The following CTNNA2 variants were observed in gnomAD, a reference collection of about 807,000 sequenced individuals.
The protein encoded by CTNNA2 is catenin alpha-2.
In CTNNA2, 42 loss-of-function variants were observed where a neutral mutation model predicts 101.0. The observed-to-expected ratio is 0.42, with a 90% CI of 0.32 to 0.54. The LOEUF (loss-of-function observed/expected upper bound fraction) is 0.54. Ranked by LOEUF, CTNNA2 falls within the 20% of genes least tolerant of loss-of-function variation. CTNNA2 has a pLI of 0.14. For missense variants in CTNNA2, 871 were observed against 1,223.1 expected (o/e 0.71, Z 4.29); for synonymous variants, 450 against 456.4 (o/e 0.99, Z 0.18).
At chr2:80,479,218 T>C (rs887630631) in intron 9 of CTNNA2, among the ~76,000 whole-genome samples, 6 of 152,156 alleles carry the variant, frequency 3.9e-5, no homozygotes, top group Non-Finnish European at 8.8e-5. Context: ...TAGAGTATCT[T>C]GGAACAGTTG....
chr2:80,562,565 A>G (rs1315276469), intron 12 of CTNNA2, among the ~76,000 whole-genome samples: 4 of 152,230 alleles, frequency 2.6e-5, no homozygotes, highest in African/African-American at 9.6e-5. Context: ...AACATATTTA[A>G]CATTTGGAAA....
chr2:80,359,495 A>AC (rs939871654), intron 7 of CTNNA2, among the ~76,000 whole-genome samples: 1 of 151,612 alleles, frequency 6.6e-6, no homozygotes, highest in Non-Finnish European at 1.5e-5. Flanking sequence ...TGGGTTTAGC[A>AC]CCCCCCCTTT....
At chr2:80,094,492 C>G (rs1700014817) in intron 7 of CTNNA2, among the ~76,000 whole-genome samples, 1 of 152,114 alleles carries the variant, frequency 6.6e-6, no homozygotes, top group Non-Finnish European at 1.5e-5. Context: ...AATGCGGGCT[C>G]TTTTTTGGTT....
At position 79,323,688 on chromosome 2, in the gene CTNNA2, G is replaced by C. The variant is rs142416942; in HGVS notation, c.-318+10892G>C. The stretch of plus-strand genomic sequence containing the variant: ...ATCTGTTGGTTCTTCCCTTTTTAGT[G>C]ATTGGTGCAGGATTAGGGATGTAAT... On this transcript the variant is annotated intron_variant, in intron 3 of 21. Coordinates refer to the CTNNA2 transcript ENST00000466387. Among the ~76,000 whole-genome samples the C allele has an allele frequency of 3.3e-5, 5 of 152,292 alleles. No individual in the cohort carries two copies. In the East Asian group the frequency reaches 9.7e-4, roughly 29 times the overall value.
At chr2:79,681,381 T>G (rs17017537) in intron 2 of CTNNA2, among the ~76,000 whole-genome samples, 14,770 of 152,216 alleles carry the variant, frequency 0.097, 814 homozygotes, top group African/African-American at 0.13. Context: ...AGTAGACAGC[T>G]TTTGGCCTCA....
chr2:80,106,417 A>AC (rs1700893221), intron 7 of CTNNA2, among the ~76,000 whole-genome samples: 1 of 152,118 alleles, frequency 6.6e-6, no homozygotes, highest in African/African-American at 2.4e-5. Context: ...AAACCCAGCA[A>AC]CCCTGGGTTA....
intron 1 of CTNNA2, among the ~76,000 whole-genome samples, chr2:79,581,837 T>G (rs2103907253): frequency 6.6e-6 from 1 of 152,374 alleles, no homozygotes; most frequent in South Asian, 2.1e-4. Flanking sequence ...TTCTAAATGT[T>G]ATGCTAACTT....
chr2:80,271,417 C>T (rs938803476), intron 7 of CTNNA2, among the ~76,000 whole-genome samples: 1 of 147,422 alleles, frequency 6.8e-6, no homozygotes, highest in Non-Finnish European at 1.5e-5. Context: ...TCTTTATCCT[C>T]AGTCTTTTTT....
chr2:79,669,790 A>G (rs1447653745), intron 2 of CTNNA2, among the ~76,000 whole-genome samples: 1 of 152,134 alleles, frequency 6.6e-6, no homozygotes, highest in Non-Finnish European at 1.5e-5. Flanking sequence ...TCCTCTGGCC[A>G]TGCTCTGCCC....
chr2:79,221,029 A>G (rs769067564), intron 2 of CTNNA2, among the ~76,000 whole-genome samples: 2 of 152,262 alleles, frequency 1.3e-5, no homozygotes, highest in Non-Finnish European at 2.9e-5. Context: ...AGTGACTTCT[A>G]GTGCAAAAAC....
chr2:79,657,054 T>TA (rs35199168), intron 2 of CTNNA2, among the ~76,000 whole-genome samples: 72,574 of 150,798 alleles, frequency 0.48, 18,304 homozygotes, highest in East Asian at 0.95. Context: ...CTTAAGGAAT[T>TA]AAAAAAAATC....
At position 79,307,484 on chromosome 2, in the gene CTNNA2, T is replaced by C. The variant is rs183733858; in HGVS notation, c.-405-5225T>C. On this transcript the variant is annotated intron_variant, in intron 2 of 21. Transcript: ENST00000466387. The stretch of plus-strand genomic sequence containing the variant: ...AGTGAGAACATGTGGTGTTTAACTT[T>C]CTGTTCCTTGCTTATTTCACATAAC... Among the ~76,000 whole-genome samples the C allele has an allele frequency of 9.7e-4, 148 of 152,348 alleles. 1 individual carries two copies. Among genetic ancestry groups the C allele is most frequent in the East Asian group, 1.9e-3 (10 of 5,188 alleles).
intron 7 of CTNNA2, among the ~76,000 whole-genome samples, chr2:79,993,095 A>G (rs1030337450): frequency 6.6e-6 from 1 of 152,208 alleles, no homozygotes; most frequent in Non-Finnish European, 1.5e-5. Flanking sequence ...CAGGAAAAAA[A>G]CGACTCAAAC....
intron 2 of CTNNA2, among the ~76,000 whole-genome samples, chr2:79,730,337 A>G (rs1231401378): frequency 6.6e-6 from 1 of 152,120 alleles, no homozygotes; most frequent in Non-Finnish European, 1.5e-5. Context: ...ATTATTAATC[A>G]TGGTTTATTT....
intron 7 of CTNNA2, among the ~76,000 whole-genome samples, chr2:80,101,707 G>A (rs2148843083): frequency 6.6e-6 from 1 of 152,306 alleles, no homozygotes; most frequent in Non-Finnish European, 1.5e-5. Context: ...AAGGCAGCAT[G>A]GCAGCATATC....
At chr2:79,343,889 T>C (rs1466887901) in intron 3 of CTNNA2, among the ~76,000 whole-genome samples, 1 of 152,160 alleles carries the variant, frequency 6.6e-6, no homozygotes, top group Non-Finnish European at 1.5e-5. Flanking sequence ...AATTGGACTT[T>C]GTGTCTTATA....
intron 1 of CTNNA2, among the ~76,000 whole-genome samples, chr2:79,637,691 A>G (rs561368312): frequency 3.9e-4 from 59 of 152,240 alleles, no homozygotes; most frequent in African/African-American, 1.4e-3. Context: ...TTATCCACAT[A>G]TTTCTGTGAA....
intron 15 of CTNNA2, among the ~76,000 whole-genome samples, chr2:80,593,254 G>A (rs544709233): frequency 1.2e-4 from 18 of 152,132 alleles, no homozygotes; most frequent in African/African-American, 3.4e-4. Flanking sequence ...TACAACCAAC[G>A]TGGCCAGTCT....
intron 4 of CTNNA2, among the ~76,000 whole-genome samples, chr2:79,420,472 G>A (rs1410175124): frequency 6.6e-6 from 1 of 152,162 alleles, no homozygotes; most frequent in Non-Finnish European, 1.5e-5. Context: ...AGGCTAAACT[G>A]CCTGAATAAA....
Sources: gnomAD v4.1 joint callset for allele counts (sites outside exome capture counted in the v4.1 genomes callset) on GRCh38, gnomAD v4.1.1 for gene constraint, MANE v1.5 for transcripts, NCBI Gene and HGNC (gene_info 2026-07-23, HGNC 2026-07-21) for gene names.